The following AGBL3 variants were observed in gnomAD, a reference collection of about 807,000 sequenced individuals.
AGBL3 encodes the protein AGBL carboxypeptidase 3.
AGBL3 carries 68 observed loss-of-function variants against 94.5 expected under a neutral mutation model. The observed-to-expected ratio is 0.72, with a 90% CI of 0.59 to 0.88. The LOEUF (loss-of-function observed/expected upper bound fraction) is 0.88, where lower values mean the gene tolerates loss of function less well. Ranked by LOEUF, AGBL3 falls within the 40% of genes least tolerant of loss-of-function variation. AGBL3 has a pLI of 0.00. For missense variants in AGBL3, 934 were observed against 1,103.8 expected, an observed-to-expected ratio of 0.85 and a Z score of 2.18; for synonymous variants, 354 against 370.7, an observed-to-expected ratio of 0.95 and a Z score of 0.52.
intron 15 of AGBL3, among the ~76,000 whole-genome samples, chr7:135,102,903 A>C (rs1824068808): frequency 6.6e-6 from 1 of 152,222 alleles, no homozygotes; most frequent in African/African-American, 2.4e-5. Flanking sequence ...AACACCAATT[A>C]TAAAAGAAAA....
chr7:135,027,495 G>A (rs901645522), intron 5 of AGBL3, among the ~76,000 whole-genome samples: 7 of 151,376 alleles, frequency 4.6e-5, no homozygotes, highest in African/African-American at 1.7e-4. Context: ...CTGTAGATCT[G>A]AATTTCCATC....
intron 15 of AGBL3, among the ~76,000 whole-genome samples, chr7:135,113,580 AT>A (rs1197684027): frequency 6.6e-6 from 1 of 152,166 alleles, no homozygotes; most frequent in African/African-American, 2.4e-5. Context: ...ATTATAGGAC[AT>A]TTTTTTAAAT....
At chr7:135,121,491 A>G (rs1038055556) in intron 16 of AGBL3, among the ~76,000 whole-genome samples, 1 of 151,998 alleles carries the variant, frequency 6.6e-6, no homozygotes, top group African/African-American at 2.4e-5. Context: ...TTTAAATCAT[A>G]GAAAGTGTAT....
chr7:135,045,429 T>G (rs1420405124), intron 9 of AGBL3, 45 bp from the exon 10 acceptor site: 1 of 1,461,440 alleles, frequency 6.8e-7, no homozygotes. Context: ...CTAAGAAAAA[T>G]TATTAACTTA....
In AGBL3 at chr7:134,987,785, T is replaced by C. The variant is rs1259708014; in HGVS notation, c.-59-90T>C. The C allele has an allele frequency of 8.2e-6, 5 of 612,996 alleles. No homozygotes were observed. The African/African-American group carries it at 9.6e-5, about 12-fold the overall frequency. 38.0% of individuals were successfully genotyped at this position (612,996 alleles called of 1,614,324 possible). A position where few individuals can be genotyped will look rare whatever the true frequency, so the allele number is the denominator to read the frequency against. On this transcript the variant is annotated intron_variant, in intron 1 of 16. Transcript: ENST00000436302. ...TTTTTAGAGAAGACTGTTGTGACTGTTAAATACAATTGAATATATTTTTGA... is the reference window on the plus strand; with the variant it reads ...TTTTTAGAGAAGACTGTTGTGACTGCTAAATACAATTGAATATATTTTTGA...
chr7:135,044,034 T>G lies in AGBL3; in HGVS notation c.1510T>G (p.Ser504Ala). 1 of 1,548,240 alleles carries G rather than the reference T, an allele frequency of 6.5e-7. No individual in the cohort carries two copies. The change falls in exon 9 of 17, where the codon TCA becomes GCA. Residue 504 changes from serine (S) to alanine (A), a missense_variant. By Grantham distance (99) the Ser-to-Ala change is moderately conservative. Transcript: ENST00000436302. ...ATTTGCTGCTTTTCAGTTTTCATTC[T>G]CAGCTTGCAAGTTTAATGTCCAGAA... The part of the protein sequence containing the change: ...SKNCPDKFSF[S>A]ACKFNVQKSK...
chr7:135,099,725 A>G (rs10237727), intron 15 of AGBL3, among the ~76,000 whole-genome samples: 3,128 of 152,204 alleles, frequency 0.021, 119 homozygotes, highest in African/African-American at 0.07. Flanking sequence ...TCTACATAGT[A>G]TCTGTGACTA....
At chr7:135,057,272 G>C (rs989212958) in intron 11 of AGBL3, among the ~76,000 whole-genome samples, 3 of 151,966 alleles carry the variant, frequency 2.0e-5, no homozygotes. Flanking sequence ...TATAGACCTA[G>C]ATGTAAAATA....
chr7:135,011,028 A>T (rs1046495703), intron 4 of AGBL3: 1 of 152,220 alleles, frequency 6.6e-6, no homozygotes, highest in African/African-American at 2.4e-5. Flanking sequence ...AAAAATTGTA[A>T]GAGTTACTAG....
rs1030628430 is a variant in AGBL3, at chr7:135,123,001, G to A, written c.2342+7390G>A. Among the ~76,000 whole-genome samples the A allele has an allele frequency of 4.3e-4, 66 of 152,040 alleles. 1 individual carries two copies. The highest frequency in any genetic ancestry group is 3.9e-3 in the Admixed American group (60 of 15,266). On this transcript the variant is annotated intron_variant, in intron 16 of 16. Coordinates refer to ENST00000436302, the MANE Select transcript of AGBL3 (RefSeq NM_178563.4). The stretch of plus-strand genomic sequence containing the variant: ...AGTGCCTCCTCTCCTCCAAATGATC[G>A]CAATGTATCTCCAGCAATGGCACAG...
At chr7:135,051,583 T>C (rs774397940) in intron 11 of AGBL3, among the ~76,000 whole-genome samples, 1 of 152,070 alleles carries the variant, frequency 6.6e-6, no homozygotes, top group Non-Finnish European at 1.5e-5. Flanking sequence ...ATGATAGTTA[T>C]TATTGCGTCT....
intron 13 of AGBL3, among the ~76,000 whole-genome samples, chr7:135,079,669 T>C (rs893066683): frequency 6.7e-6 from 1 of 150,342 alleles, no homozygotes; most frequent in Non-Finnish European, 1.5e-5. Context: ...GGTTTCACCA[T>C]GTTGGCCAGG....
intron 15 of AGBL3, among the ~76,000 whole-genome samples, 196 bp downstream of exon 15, chr7:135,081,986 C>T (rs1413102758): frequency 6.6e-6 from 1 of 152,090 alleles, no homozygotes; most frequent in Non-Finnish European, 1.5e-5. Flanking sequence ...CCCATCTCAC[C>T]AAATCTTAGA....
intron 12 of AGBL3, among the ~76,000 whole-genome samples, chr7:135,073,471 A>T (rs1267971509): frequency 2.4e-5 from 3 of 126,072 alleles, no homozygotes; most frequent in Admixed American, 8.4e-5. Flanking sequence ...ACTCCGTCTC[A>T]AAATAAATAA....
At chr7:135,037,931 A>G (rs1427231771) in intron 8 of AGBL3, among the ~76,000 whole-genome samples, 1 of 152,106 alleles carries the variant, frequency 6.6e-6, no homozygotes. Flanking sequence ...ATTTCTTAAG[A>G]AATGTATATT....
chr7:135,013,532 A>T (rs1304758543), intron 4 of AGBL3, among the ~76,000 whole-genome samples: 1 of 152,206 alleles, frequency 6.6e-6, no homozygotes, highest in African/African-American at 2.4e-5. Context: ...TAAGATGTTT[A>T]GTGAAGTGGG....
At chr7:135,126,571 G>A (rs933238856) in intron 16 of AGBL3, among the ~76,000 whole-genome samples, 11 of 152,090 alleles carry the variant, frequency 7.2e-5, no homozygotes, top group Non-Finnish European at 1.3e-4. Flanking sequence ...AGAAAACCCC[G>A]AATAGCCAAG....
At chr7:135,133,447 C>T (rs867661560) in intron 16 of AGBL3, among the ~76,000 whole-genome samples, 5 of 152,014 alleles carry the variant, frequency 3.3e-5, no homozygotes, top group Admixed American at 1.3e-4. Context: ...ATTTATCTGC[C>T]GATGCATTAA....
chr7:135,027,670 T>A (rs990260336), intron 5 of AGBL3, among the ~76,000 whole-genome samples: 1 of 151,662 alleles, frequency 6.6e-6, no homozygotes, highest in African/African-American at 2.4e-5. Context: ...GTTGGCTTTT[T>A]TTTCTTTAAA....
Sources: gnomAD v4.1 joint callset for allele counts (sites outside exome capture counted in the v4.1 genomes callset) on GRCh38, gnomAD v4.1.1 for gene constraint, MANE v1.5 for transcripts, NCBI Gene and HGNC (gene_info 2026-07-23, HGNC 2026-07-21) for gene names.